Variants in FBN3 observed in about 807,000 individuals in gnomAD.
FBN3 encodes the protein fibrillin-3.
Under a neutral mutation model 330.1 loss-of-function variants are expected in FBN3, and 234 were observed. The ratio of observed to expected loss-of-function variants is 0.71; its 90% confidence interval spans 0.64 to 0.79. The LOEUF (loss-of-function observed/expected upper bound fraction) is 0.79. FBN3 is among the 30% of genes least tolerant of loss of function. FBN3 has a pLI of 0.00. For synonymous variants in FBN3, 1,458 were observed against 1,517.3 expected (o/e 0.96, Z 0.91); for missense variants, 3,606 against 3,886.9 (o/e 0.93, Z 1.92).
chr19:8,088,244 C>T (rs867712712), intron 51 of FBN3, 65 bp from the exon 52 acceptor site: 1 of 1,523,424 alleles, frequency 6.6e-7, no homozygotes, highest in Non-Finnish European at 8.8e-7. Context: ...AGCATCCCAT[C>T]TGCCTGCCTG....
At chr19:8,067,159 G>A in intron 63 of FBN3, among the ~76,000 whole-genome samples, 1 of 136,942 alleles carries the variant, frequency 7.3e-6, no homozygotes, top group Non-Finnish European at 1.5e-5. Context: ...ATGGAGTCTT[G>A]CTGTCGCCCA....
chr19:8,081,444 G>A lies in FBN3; in HGVS notation c.7250C>T (p.Thr2417Ile), dbSNP rs1212570342. The A allele has an allele frequency of 3.7e-6, 6 of 1,612,418 alleles. No individual in the cohort carries two copies. Among genetic ancestry groups the A allele is most frequent in the Middle Eastern group, 1.7e-4 (1 of 6,046 alleles). The change falls in exon 58 of 64, where the codon ACC becomes ATC. Residue 2417 changes from threonine (T) to isoleucine (I), a missense_variant. Coordinates refer to ENST00000600128, the MANE Select transcript of FBN3 (RefSeq NM_032447.5). ...GCCCTTCGTGTTTTTGCAGAGGAAG[G>A]TACATGGCTTGGGGACCTGGCTGCA... ...DECSQVPKPCTFLCKNTKGSF... is the reference protein window; with the variant it reads ...DECSQVPKPCIFLCKNTKGSF...
In FBN3 at chr19:8,081,098, C is replaced by T. The variant is rs375243373; in HGVS notation, c.7358G>A (p.Arg2453Gln). The change falls in exon 59 of 64, where the codon CGG becomes CAG. Residue 2453 changes from arginine (R) to glutamine (Q), a missense_variant. Coordinates refer to ENST00000600128, the MANE Select transcript of FBN3 (RefSeq NM_032447.5). ...ACAGAGGAACTGACAGTTGTGCTGCCGGGAGGTGCATTCGTCCAGGTCTGC... is the reference window on the plus strand; with the variant it reads ...ACAGAGGAACTGACAGTTGTGCTGCTGGGAGGTGCATTCGTCCAGGTCTGC... ...TCKDLDECTS[R>Q]QHNCQFLCVN... 18 of 1,613,656 alleles carry T rather than the reference C, an allele frequency of 1.1e-5. No individual in the cohort carries two copies. Among genetic ancestry groups the T allele is most frequent in the Admixed American group, 8.3e-5 (5 of 60,000 alleles).
At chr19:8,099,213 G>C (rs1171680637) in intron 41 of FBN3, among the ~76,000 whole-genome samples, 2 of 151,338 alleles carry the variant, frequency 1.3e-5, no homozygotes, top group Non-Finnish European at 2.9e-5. Flanking sequence ...TCCAGAGAGG[G>C]AGAAAAGAGA....
chr19:8,073,014 T>TGA, intron 62 of FBN3, 49 bp downstream of exon 62: 1 of 1,115,668 alleles, frequency 9.0e-7, no homozygotes, highest in South Asian at 1.4e-5. Flanking sequence ...CGTGCGTGCA[T>TGA]GGACGCTTGC....
chr19:8,125,885 G>A lies in FBN3; in HGVS notation c.2731+7C>T. On this transcript the variant is annotated splice_region_variant and intron_variant, in intron 22 of 63. Transcript: ENST00000600128. ...TGGCCCTGTATGCGGACCTCGCCTG[G>A]ACTCACCCACGCACAGCCGGCCTGA... 6.2e-7 allele frequency: 1 copy of A among 1,609,438 alleles called. No individual in the cohort carries two copies. Among genetic ancestry groups the A allele is most frequent in the Non-Finnish European group, 8.5e-7 (1 of 1,178,608 alleles).
chr19:8,102,504 C>T (rs573125991), intron 40 of FBN3, among the ~76,000 whole-genome samples: 3 of 152,282 alleles, frequency 2.0e-5, no homozygotes, highest in Admixed American at 2.0e-4. Context: ...AGGTGTGAGC[C>T]ACCACACCCA....
intron 26 of FBN3, among the ~76,000 whole-genome samples, chr19:8,118,132 C>G (rs1472425779): frequency 6.6e-6 from 1 of 152,012 alleles, no homozygotes; most frequent in Non-Finnish European, 1.5e-5. Context: ...TGTGCAAACA[C>G]ATGTCCACAC....
Position 8,126,840 on chromosome 19 carries a change from G to T in FBN3, c.2297-8C>A, listed in dbSNP as rs2083001163. 1 of 1,542,852 alleles carries T rather than the reference G, an allele frequency of 6.5e-7. No individual in the cohort carries two copies. The highest frequency in any genetic ancestry group is 1.4e-5 in the African/African-American group (1 of 72,546). ...ACAGGCATTCGTCGACATCTGTGGG[G>T]ACAGCCCCCCACCAGGTCCTGAGCT... On this transcript the variant is annotated splice_polypyrimidine_tract_variant and splice_region_variant and intron_variant, in intron 18 of 63. Coordinates refer to ENST00000600128, the MANE Select transcript of FBN3 (RefSeq NM_032447.5).
At chr19:8,085,220 GACAC>G (rs35473068) in intron 56 of FBN3, 139 bp downstream of exon 56, 61,542 of 540,330 alleles carry the variant, frequency 0.11, 1,184 homozygotes, top group African/African-American at 0.17. Flanking sequence ...CTAGCACAAA[GACAC>G]ACACACACAC....
In FBN3 at chr19:8,109,272, G is replaced by A. The variant is rs139787266; in HGVS notation, c.4573C>T (p.Arg1525Trp). The change falls in exon 36 of 64, where the codon CGG becomes TGG. Residue 1525 changes from arginine to tryptophan, a missense_variant. Physicochemically the swap from Arg to Trp is moderately radical, Grantham distance 101. Coordinates refer to ENST00000600128, the MANE Select transcript of FBN3 (RefSeq NM_032447.5). The surrounding 1 kb of genome is among the most constrained non-coding windows in gnomAD (Gnocchi z 5.2). The part of the protein sequence containing the change: ...TRASCCCSLG[R>W]AWGNPCELCP... ...AGCTCACAGGGATTGCCCCAAGCCC[G>A]GCCCAGGGAGCAACAGCAGGAAGCT... is the stretch of plus-strand genomic sequence containing the variant. 6.1e-5 allele frequency: 98 copies of A among 1,614,128 alleles called. No homozygotes were observed. In the African/African-American group the frequency reaches 1.0e-3, roughly 17 times the overall value.
Position 8,136,220 on chromosome 19 carries a change from G to C in FBN3, c.1435C>G (p.Gln479Glu), listed in dbSNP as rs751652110. The C allele has an allele frequency of 1.9e-6, 3 of 1,612,692 alleles. No homozygotes were observed. Among genetic ancestry groups the C allele is most frequent in the South Asian group, 1.1e-5 (1 of 90,946 alleles). ...CATGCCTGCCTGGTGGGCGTGGCCT[G>C]GAAGCCCGGGTAGCACCGGCAGTGG... is the stretch of plus-strand genomic sequence containing the variant. ...TYHCRCYPGFQATPTRQACVD... is the reference protein window; with the variant it reads ...TYHCRCYPGFEATPTRQACVD... Residue 479 changes from glutamine to glutamate, a missense_variant, in exon 12 of 64, where the codon CAG becomes GAG. Coordinates refer to ENST00000600128, the MANE Select transcript of FBN3 (RefSeq NM_032447.5).
intron 47 of FBN3, among the ~76,000 whole-genome samples, chr19:8,092,355 C>CT (rs1417646633): frequency 6.6e-6 from 1 of 151,976 alleles, no homozygotes; most frequent in Non-Finnish European, 1.5e-5. Context: ...TATAAATGCC[C>CT]ATCAGCCAAC....
rs905971781 is a variant in FBN3, at chr19:8,085,395, G to C, written c.7055C>G (p.Pro2352Arg). ...CTCAGCAGTGTAGCCTGAGCCATGGGGGCACAGCTTCCTGTAGGCAGAGGT... is the reference window on the plus strand; with the variant it reads ...CTCAGCAGTGTAGCCTGAGCCATGGCGGCACAGCTTCCTGTAGGCAGAGGT... Reference protein sequence around the residue: ...PGTSAYRKLCPHGSGYTAEGR... With the variant: ...PGTSAYRKLCRHGSGYTAEGR... Residue 2352 changes from proline (P) to arginine (R), a missense_variant, in exon 56 of 64, where the codon CCC (proline) becomes CGC (arginine). Coordinates refer to ENST00000600128, the MANE Select transcript of FBN3 (RefSeq NM_032447.5). 12 of 1,580,570 alleles carry C rather than the reference G, an allele frequency of 7.6e-6. No homozygotes were observed. Among genetic ancestry groups the C allele is most frequent in the African/African-American group, 1.4e-5 (1 of 74,020 alleles).
rs7245552 is a variant in FBN3, at chr19:8,094,525, G to T, written c.5826C>A (p.Pro1942=). ...ECLSLAGTCL[P]GTCQNLEGSF... is the part of the protein sequence containing the mutation. ...AGCCCTCGAGGTTCTGGCAAGTGCC[G>T]GGTAGGCAGGTTCCTGCAAGGCTGA... The change falls in exon 47 of 64, where the codon CCC becomes CCA. Residue 1942 remains proline, a synonymous_variant. Coordinates refer to ENST00000600128, the MANE Select transcript of FBN3 (RefSeq NM_032447.5). 0.64 allele frequency: 1,039,739 copies of T among 1,612,836 alleles called. 340,611 individuals are homozygous for T. Among genetic ancestry groups the T allele is most frequent in the East Asian group, 0.91 (40,697 of 44,854 alleles).
intron 31 of FBN3, 68 bp downstream of exon 31, chr19:8,111,908 GC>G (rs371519874): frequency 8.6e-6 from 4 of 465,586 alleles, no homozygotes; most frequent in Non-Finnish European, 1.2e-5. Flanking sequence ...CCACTGCCTT[GC>G]CCCCCACCGC....
intron 63 of FBN3, among the ~76,000 whole-genome samples, chr19:8,071,829 C>T (rs1038337534): frequency 1.9e-4 from 27 of 144,988 alleles, no homozygotes; most frequent in African/African-American, 4.9e-4. Flanking sequence ...GCAGAGTGTC[C>T]GGGAGATGTG....
chr19:8,076,473 T>G (rs1411102819), intron 59 of FBN3, among the ~76,000 whole-genome samples: 2 of 152,012 alleles, frequency 1.3e-5, no homozygotes, highest in African/African-American at 4.8e-5. Flanking sequence ...CCATCTCTAC[T>G]AAAAATACAA....
chr19:8,075,381 G>C lies in FBN3; in HGVS notation c.7484C>G (p.Pro2495Arg). ...GTGGCAGTGCCCGTGGGCACCACAT[G>C]GGCCAGGCTGGGCTGAGCACTCATC... The part of the protein sequence containing the change: ...DNDECSAQPG[P>R]CGAHGHCHNT... The change falls in exon 60 of 64, where the codon CCA becomes CGA. Residue 2495 changes from proline (P) to arginine (R), a missense_variant. Coordinates refer to ENST00000600128, the MANE Select transcript of FBN3 (RefSeq NM_032447.5). 1.2e-6 allele frequency: 2 copies of C among 1,614,018 alleles called. No homozygotes were observed. The highest frequency in any genetic ancestry group is 8.5e-7 in the Non-Finnish European group (1 of 1,179,990).
Sources: allele counts gnomAD v4.1 joint callset (sites outside exome capture counted in the v4.1 genomes callset), GRCh38; gene constraint gnomAD v4.1.1; non-coding constraint Gnocchi (gnomAD v3.1); transcripts MANE v1.5; gene names NCBI Gene and HGNC (gene_info 2026-07-23, HGNC 2026-07-21).